Variants in NPAS3 observed in about 807,000 individuals in gnomAD.
NPAS3 encodes neuronal PAS domain-containing protein 3.
In NPAS3, 14 loss-of-function variants were observed where a neutral mutation model predicts 73.1. That is an observed-to-expected ratio of 0.19 (90% CI 0.13 to 0.30). NPAS3 has a LOEUF of 0.30. Among genes scored for constraint, NPAS3 ranks in the 10% least tolerant of loss-of-function variants. The pLI is 1.00. For missense variants in NPAS3, 1,096 were observed against 1,250.0 expected (o/e 0.88, Z 1.86); for synonymous variants, 620 against 541.5 (o/e 1.14, Z -2.01).
At chr14:33,604,024 A>G (rs896586456) in intron 5 of NPAS3, among the ~76,000 whole-genome samples, 3 of 152,084 alleles carry the variant, frequency 2.0e-5, no homozygotes, top group Non-Finnish European at 4.4e-5. Flanking sequence ...AAAAAAAAAC[A>G]AAGAGTTATA....
intron 3 of NPAS3, among the ~76,000 whole-genome samples, chr14:33,251,544 T>C (rs2048585397): frequency 6.6e-6 from 1 of 152,062 alleles, no homozygotes; most frequent in Non-Finnish European, 1.5e-5. Flanking sequence ...TTATGTGTCG[T>C]TCATCTGCGT....
At chr14:33,279,907 G>A (rs2041518774) in intron 3 of NPAS3, among the ~76,000 whole-genome samples, 2 of 152,154 alleles carry the variant, frequency 1.3e-5, no homozygotes, top group South Asian at 2.1e-4. Context: ...AATAATTAGA[G>A]TGAGGAACCC....
At chr14:33,584,402 A>T (rs1440367125) in intron 5 of NPAS3, among the ~76,000 whole-genome samples, 1 of 13,866 alleles carries the variant, frequency 7.2e-5, no homozygotes, top group East Asian at 4.9e-4. Flanking sequence ...ATGTTTATTT[A>T]AAAAAAAAAA....
intron 2 of NPAS3, among the ~76,000 whole-genome samples, chr14:33,079,324 C>CTTTTTTTTTT (rs1566537489): frequency 8.8e-6 from 1 of 113,032 alleles, no homozygotes; most frequent in African/African-American, 3.7e-5. Context: ...TTTTCTTTTT[C>CTTTTTTTTTT]CTTTTTTTTT....
chr14:33,397,848 C>T (rs1000852590), intron 4 of NPAS3, among the ~76,000 whole-genome samples: 2 of 152,078 alleles, frequency 1.3e-5, no homozygotes, highest in South Asian at 2.1e-4. Context: ...GGCACTTGAT[C>T]GGATGCTTTT....
intron 2 of NPAS3, among the ~76,000 whole-genome samples, chr14:33,057,170 T>TA (rs1430146904): frequency 1.3e-5 from 2 of 152,222 alleles, no homozygotes; most frequent in African/African-American, 4.8e-5. Flanking sequence ...TAGCATGGTT[T>TA]AGGTGACTGT....
chr14:33,249,522 A>C (rs1305345582), intron 3 of NPAS3, among the ~76,000 whole-genome samples: 1 of 152,144 alleles, frequency 6.6e-6, no homozygotes, highest in Admixed American at 6.6e-5. Flanking sequence ...TCAAAGGAGC[A>C]GCTGCCTCTG....
At chr14:33,051,309 G>C (rs746627918) in intron 1 of NPAS3, among the ~76,000 whole-genome samples, 1 of 135,314 alleles carries the variant, frequency 7.4e-6, no homozygotes, top group East Asian at 2.2e-4. Context: ...AGAGACTAAA[G>C]AACTTCCCCA....
chr14:33,355,629 C>T (rs116007275), intron 3 of NPAS3, among the ~76,000 whole-genome samples: 1 of 152,130 alleles, frequency 6.6e-6, no homozygotes, highest in South Asian at 2.1e-4. Context: ...TTGTATTTCT[C>T]TCTCCCCAGT....
chr14:33,051,296 A>AAAAAAAAAAAAAAAGAG (rs771840433), intron 1 of NPAS3, among the ~76,000 whole-genome samples: 8 of 142,564 alleles, frequency 5.6e-5, no homozygotes, highest in African/African-American at 1.9e-4. Flanking sequence ...AAAAAAAAAA[A>AAAAAAAAAAAAAAAGAG]AGAGAGACTA....
chr14:33,748,826 A>G (rs2140745062), intron 7 of NPAS3, among the ~76,000 whole-genome samples: 1 of 152,278 alleles, frequency 6.6e-6, no homozygotes, highest in South Asian at 2.1e-4. Flanking sequence ...TCTGGGTAAA[A>G]TGGAATAGAG....
intron 1 of NPAS3, among the ~76,000 whole-genome samples, chr14:33,001,190 A>G (rs1399775975): frequency 6.6e-6 from 1 of 152,214 alleles, no homozygotes. Context: ...GTCTTCCTGT[A>G]GGTTCTAAGA....
chr14:33,123,987 A>G (rs553120747), intron 2 of NPAS3, among the ~76,000 whole-genome samples: 2 of 150,788 alleles, frequency 1.3e-5, no homozygotes, highest in South Asian at 4.2e-4. Flanking sequence ...CAGCCTCCTG[A>G]GTAGCTGGGC....
At chr14:33,383,421 C>T (rs1273362128) in intron 4 of NPAS3, among the ~76,000 whole-genome samples, 1 of 152,166 alleles carries the variant, frequency 6.6e-6, no homozygotes, top group African/African-American at 2.4e-5. Context: ...AGGGTGCATT[C>T]TTATCACTTG....
intron 7 of NPAS3, among the ~76,000 whole-genome samples, chr14:33,744,896 G>C (rs2061749038): frequency 6.6e-6 from 1 of 152,098 alleles, no homozygotes; most frequent in African/African-American, 2.4e-5. Flanking sequence ...AAAAATGGCA[G>C]CAATGAACTT....
At chr14:33,666,013 C>A (rs985292488) in intron 5 of NPAS3, among the ~76,000 whole-genome samples, 1 of 152,116 alleles carries the variant, frequency 6.6e-6, no homozygotes, top group Non-Finnish European at 1.5e-5. Flanking sequence ...TACAGTGAGA[C>A]AATTGTCCTT....
intron 7 of NPAS3, among the ~76,000 whole-genome samples, chr14:33,747,505 G>A (rs1258455954): frequency 6.6e-6 from 1 of 152,170 alleles, no homozygotes; most frequent in East Asian, 1.9e-4. Context: ...CAAATGAAAA[G>A]AGTGACCTCA....
intron 7 of NPAS3, among the ~76,000 whole-genome samples, chr14:33,739,653 C>G (rs1439653579): frequency 6.6e-6 from 1 of 152,044 alleles, no homozygotes; most frequent in Non-Finnish European, 1.5e-5. Flanking sequence ...TCATAGAGCC[C>G]TTTAAAGATT....
intron 7 of NPAS3, among the ~76,000 whole-genome samples, chr14:33,738,684 G>A (rs114541675): frequency 0.025 from 3,780 of 152,250 alleles, 184 homozygotes; most frequent in African/African-American, 0.085. Flanking sequence ...CTGACATTCA[G>A]TTGTTTCTGT....
Sources: allele counts gnomAD v4.1 joint callset (sites outside exome capture counted in the v4.1 genomes callset), GRCh38; gene constraint gnomAD v4.1.1; transcripts MANE v1.5; gene names NCBI Gene and HGNC (gene_info 2026-07-23, HGNC 2026-07-21).